XKR5: variants seen among roughly 807,000 people sequenced by gnomAD.
XKR5 encodes the protein XK related 5.
A neutral mutation model predicts 40.8 loss-of-function variants in XKR5; 46 were observed. The ratio of observed to expected loss-of-function variants is 1.13; its 90% confidence interval spans 0.89 to 1.44. The LOEUF (loss-of-function observed/expected upper bound fraction) is 1.44, where lower values mean the gene tolerates loss of function less well. Among genes scored for constraint, XKR5 ranks in the 40% most tolerant of loss-of-function variants. The pLI is 0.00. For synonymous variants in XKR5, 466 were observed against 356.1 expected (o/e 1.31, Z -3.48); for missense variants, 1,169 against 844.7 (o/e 1.38, Z -4.76).
At chr8:6,818,607 G>T (rs1353065100) in intron 5 of XKR5, among the ~76,000 whole-genome samples, 2 of 152,256 alleles carry the variant, frequency 1.3e-5, no homozygotes, top group African/African-American at 4.8e-5. Flanking sequence ...GAGGACAGTT[G>T]AGTAGATCCT....
chr8:6,809,867 T>G lies in XKR5; in HGVS notation c.*1331A>C, dbSNP rs2117069828. On this transcript the variant is annotated 3_prime_UTR_variant, in exon 7 of 7. Transcript: ENST00000618742. ...GGCTCACGCCTGTAATCCCAGCACTTTGGGAGGCCGAGATGGGCAGATCGC... is the reference window on the plus strand; with the variant it reads ...GGCTCACGCCTGTAATCCCAGCACTGTGGGAGGCCGAGATGGGCAGATCGC... 6.6e-6 allele frequency: 1 copy of G among 152,452 alleles called. No homozygotes were observed. The highest frequency in any genetic ancestry group is 2.1e-4 in the South Asian group (1 of 4,826). 9.4% of individuals were successfully genotyped at this position (152,452 alleles called of 1,614,324 possible). A position where few individuals can be genotyped will look rare whatever the true frequency, so the allele number is the denominator to read the frequency against.
chr8:6,817,234 T>A (rs75159913), intron 5 of XKR5, among the ~76,000 whole-genome samples: 43 of 152,130 alleles, frequency 2.8e-4, no homozygotes, highest in African/African-American at 1.0e-3. Context: ...ATCTTGCCAT[T>A]CCTCCCCGAT....
At chr8:6,833,156 C>T (rs1478848404) in intron 1 of XKR5, among the ~76,000 whole-genome samples, 2 of 152,200 alleles carry the variant, frequency 1.3e-5, no homozygotes, top group African/African-American at 2.4e-5. Flanking sequence ...CATACCCCCG[C>T]AGAAGGCAAT....
At chr8:6,820,466 A>C (rs1804179034) in intron 5 of XKR5, among the ~76,000 whole-genome samples, 1 of 152,250 alleles carries the variant, frequency 6.6e-6, no homozygotes, top group Non-Finnish European at 1.5e-5. Flanking sequence ...AAATGCAAGC[A>C]AACAAGGTGG....
At chr8:6,817,130 A>C (rs1373067810) in intron 5 of XKR5, among the ~76,000 whole-genome samples, 2 of 151,938 alleles carry the variant, frequency 1.3e-5, no homozygotes, top group Non-Finnish European at 2.9e-5. Context: ...TTCTGGCCCC[A>C]TGCCTCCTGT....
Position 6,825,148 on chromosome 8 carries a change from T to G in XKR5, c.427+17A>C. ...CGGCAGTCAGACAGTCTGTGCTCTG[T>G]GGTGACAGTTACTCACCTGGCACAA... On this transcript the variant is annotated intron_variant, in intron 3 of 6. Transcript: ENST00000618742. The G allele has an allele frequency of 6.2e-7, 1 of 1,613,280 alleles. No homozygotes were observed.
chr8:6,810,489 T>G lies in XKR5; in HGVS notation c.*709A>C, dbSNP rs1222417886. ...GCCTGCACAAAGGGGAGCAGCACAT[T>G]TCACAGAAAAATACATTTATGCAGC... On this transcript the variant is annotated 3_prime_UTR_variant, in exon 7 of 7. Transcript: ENST00000618742. 2 of 152,138 alleles carry G rather than the reference T, an allele frequency of 1.3e-5. No homozygotes were observed. Among genetic ancestry groups the G allele is most frequent in the African/African-American group, 4.8e-5 (2 of 41,400 alleles). The allele number at this position is 152,138 out of a possible 1,614,324, so 9.4% of individuals were successfully genotyped here.
Position 6,809,073 on chromosome 8 carries a change from G to A in XKR5, c.*2125C>T, listed in dbSNP as rs1587142547. 2 of 152,350 alleles carry A rather than the reference G, an allele frequency of 1.3e-5. No homozygotes were observed. The highest frequency in any genetic ancestry group is 3.9e-4 in the East Asian group (2 of 5,176). 9.4% of individuals were successfully genotyped at this position (152,350 alleles called of 1,614,324 possible). On this transcript the variant is annotated 3_prime_UTR_variant, in exon 7 of 7. Coordinates refer to ENST00000618742, the MANE Select transcript of XKR5 (RefSeq NM_207411.5). ...GCAAAGGGCAGTGGAATACAACCTG[G>A]GGACAGAGGGTAGGTCTGGGAGAGC...
intron 2 of XKR5, among the ~76,000 whole-genome samples, chr8:6,831,767 G>A (rs2741092): frequency 1.2e-4 from 19 of 152,084 alleles, no homozygotes; most frequent in Non-Finnish European, 2.5e-4. Context: ...TGTAATCCCA[G>A]CACTTTGGGA....
In XKR5 at chr8:6,811,137, C is replaced by T. The variant is rs898949575; in HGVS notation, c.*61G>A. ...GTGTCAGAAGTGGGATTTCCTTTCTCACGGTACCAAATGGCCAGCTTGGTT... is the reference window on the plus strand; with the variant it reads ...GTGTCAGAAGTGGGATTTCCTTTCTTACGGTACCAAATGGCCAGCTTGGTT... On this transcript the variant is annotated 3_prime_UTR_variant, in exon 7 of 7. Transcript: ENST00000618742. 12 of 1,457,998 alleles carry T rather than the reference C, an allele frequency of 8.2e-6. No individual in the cohort carries two copies. Among genetic ancestry groups the T allele is most frequent in the African/African-American group, 5.6e-5 (4 of 70,982 alleles). 90.3% of individuals were successfully genotyped at this position (1,457,998 alleles called of 1,614,324 possible).
At chr8:6,817,755 A>G (rs1315669017) in intron 5 of XKR5, among the ~76,000 whole-genome samples, 1 of 152,186 alleles carries the variant, frequency 6.6e-6, no homozygotes, top group African/African-American at 2.4e-5. Context: ...TACATCCTCT[A>G]TTACCCAGAA....
chr8:6,829,828 T>C (rs1804676764), intron 2 of XKR5, among the ~76,000 whole-genome samples: 1 of 10,470 alleles, frequency 9.6e-5, no homozygotes, highest in Non-Finnish European at 2.6e-4. Context: ...AATTCTTGCT[T>C]TTTTTTTTTT....
At chr8:6,826,821 G>A (rs1461400964) in intron 2 of XKR5, among the ~76,000 whole-genome samples, 3 of 152,004 alleles carry the variant, frequency 2.0e-5, no homozygotes, top group Non-Finnish European at 4.4e-5. Context: ...GTGGGTGGAA[G>A]CCGAGAACCA....
chr8:6,831,757 T>C (rs957907230), intron 2 of XKR5, among the ~76,000 whole-genome samples: 6 of 152,188 alleles, frequency 3.9e-5, no homozygotes, highest in Admixed American at 2.6e-4. Flanking sequence ...GGCTCACGCC[T>C]GTAATCCCAG....
intron 6 of XKR5, among the ~76,000 whole-genome samples, chr8:6,814,516 T>C (rs894926764): frequency 1.3e-5 from 2 of 152,140 alleles, no homozygotes; most frequent in Non-Finnish European, 2.9e-5. Flanking sequence ...AGGGTCCTCG[T>C]GGTGATGGAA....
intron 2 of XKR5, among the ~76,000 whole-genome samples, chr8:6,828,038 C>T (rs1413629106): frequency 6.6e-6 from 1 of 152,020 alleles, no homozygotes; most frequent in Non-Finnish European, 1.5e-5. Flanking sequence ...CACTGCACTC[C>T]AGCCTGGGTG....
At chr8:6,826,759 C>T (rs1263659807) in intron 2 of XKR5, among the ~76,000 whole-genome samples, 1 of 151,990 alleles carries the variant, frequency 6.6e-6, no homozygotes. Context: ...GGACAGCACC[C>T]TGGGGACTGT....
At position 6,832,914 on chromosome 8, in the gene XKR5, G is replaced by C. The variant is rs749542542; in HGVS notation, c.59-14C>G. 3.2e-6 allele frequency: 5 copies of C among 1,544,696 alleles called. No homozygotes were observed. The South Asian group carries it at 3.7e-5, about 12-fold the overall frequency. On this transcript the variant is annotated splice_polypyrimidine_tract_variant and intron_variant, in intron 1 of 6. Transcript: ENST00000618742. ...CGGTGTAAAGGCCTGGGTGAGAAGGGGAAAGGCAAGCAGGTTGTTGGAAGG... is the reference window on the plus strand; with the variant it reads ...CGGTGTAAAGGCCTGGGTGAGAAGGCGAAAGGCAAGCAGGTTGTTGGAAGG...
Position 6,812,258 on chromosome 8 carries a change from C to T in XKR5, c.1001G>A (p.Cys334Tyr), listed in dbSNP as rs1337050131. Reference protein sequence around the residue: ...DIWQGCLRKSCGIAGGDKTER... With the variant: ...DIWQGCLRKSYGIAGGDKTER... The stretch of plus-strand genomic sequence containing the variant: ...TGTTTTATCACCTCCTGCAATGCCA[C>T]AGGACTTCCTTAGGCAGCCCTGCCA... Residue 334 changes from cysteine to tyrosine, a missense_variant, in exon 7 of 7, where the codon TGT becomes TAT. Cys to Tyr is a radical substitution (Grantham distance 194). Transcript: ENST00000618742. The T allele has an allele frequency of 6.4e-7, 1 of 1,553,590 alleles. No individual in the cohort carries two copies. The highest frequency in any genetic ancestry group is 8.7e-7 in the Non-Finnish European group (1 of 1,147,634).
Sources: allele counts gnomAD v4.1 joint callset (sites outside exome capture counted in the v4.1 genomes callset), GRCh38; gene constraint gnomAD v4.1.1; transcripts MANE v1.5; gene names NCBI Gene and HGNC (gene_info 2026-07-23, HGNC 2026-07-21).